The following ASIC2 variants were observed in gnomAD, a reference collection of about 807,000 sequenced individuals.
ASIC2 encodes acid sensing ion channel subunit 2.
ASIC2 carries 25 observed loss-of-function variants against 57.3 expected under a neutral mutation model. The ratio of observed to expected loss-of-function variants is 0.44; its 90% CI spans 0.32 to 0.61. The LOEUF is 0.61. ASIC2 is among the 20% of genes least tolerant of loss of function. The pLI, the probability that ASIC2 is intolerant of heterozygous loss-of-function variation, is 0.06. For synonymous variants in ASIC2, 319 were observed against 307.5 expected (o/e 1.04, Z -0.39); for missense variants, 641 against 738.1 (o/e 0.87, Z 1.52).
chr17:33,425,912 G>A (rs1023789841), intron 1 of ASIC2, among the ~76,000 whole-genome samples: 3 of 152,082 alleles, frequency 2.0e-5, no homozygotes, highest in Admixed American at 6.6e-5. Context: ...TAGGAGACCC[G>A]GTCAGGCGCA....
chr17:33,388,135 TA>T (rs1199424461), intron 1 of ASIC2, among the ~76,000 whole-genome samples: 1 of 151,176 alleles, frequency 6.6e-6, no homozygotes, highest in Non-Finnish European at 1.5e-5. Context: ...ACAAACAAAT[TA>T]AAAAAACAAG....
intron 1 of ASIC2, among the ~76,000 whole-genome samples, chr17:33,851,024 G>A (rs1363869308): frequency 6.6e-6 from 1 of 152,136 alleles, no homozygotes; most frequent in African/African-American, 2.4e-5. Flanking sequence ...AGAGTTAAGA[G>A]ACTTGGTGCT....
At chr17:33,661,142 T>G (rs1314011062) in intron 1 of ASIC2, among the ~76,000 whole-genome samples, 1 of 152,180 alleles carries the variant, frequency 6.6e-6, no homozygotes, top group African/African-American at 2.4e-5. Flanking sequence ...CAGCCGTACC[T>G]TCCTTTCCTT....
At position 34,039,184 on chromosome 17, in the gene ASIC2, T is replaced by TTC. The variant is rs572078340; in HGVS notation, c.555+116792_555+116793dup. Reference sequence around the variant, plus strand: ...TAAATCATCTATTCTTCCCTCCTTCTTCTCTAAGTCAGAATTCTTACTGTT... The same window carrying TTC: ...TAAATCATCTATTCTTCCCTCCTTCTTCTCTCTAAGTCAGAATTCTTACTGTT... On this transcript the variant is annotated intron_variant, in intron 1 of 9. Coordinates refer to the ASIC2 transcript ENST00000359872. The TTC allele has an allele frequency of 2.6e-4, 413 of 1,614,030 alleles. 2 individuals carry two copies. In the South Asian group the frequency reaches 4.2e-3, roughly 16 times the overall value.
intron 1 of ASIC2, among the ~76,000 whole-genome samples, chr17:33,671,668 G>A (rs527347349): frequency 4.5e-4 from 69 of 152,194 alleles, no homozygotes; most frequent in Non-Finnish European, 9.1e-4. Context: ...AAGGTCTTGG[G>A]AAGGCTACAA....
chr17:33,502,357 C>A (rs895097820), intron 1 of ASIC2, among the ~76,000 whole-genome samples: 4 of 152,142 alleles, frequency 2.6e-5, no homozygotes, highest in African/African-American at 2.4e-5. Context: ...CAGAGACATC[C>A]CAAGTACCTG....
intron 1 of ASIC2, among the ~76,000 whole-genome samples, chr17:33,762,784 C>G (rs1170735911): frequency 6.6e-6 from 1 of 152,156 alleles, no homozygotes; most frequent in Non-Finnish European, 1.5e-5. Flanking sequence ...CATGTTAGAG[C>G]AGCCATGGTT....
chr17:34,040,560 T>A (rs1187345715), intron 1 of ASIC2, among the ~76,000 whole-genome samples: 1 of 152,116 alleles, frequency 6.6e-6, no homozygotes, highest in Non-Finnish European at 1.5e-5. Context: ...AGGCAGAAAG[T>A]AAGGGTTAGA....
At position 33,990,581 on chromosome 17, in the gene ASIC2, G is replaced by A. The variant is rs145493331; in HGVS notation, c.555+165397C>T. Among the ~76,000 whole-genome samples, 4 of 152,256 alleles carry A rather than the reference G, an allele frequency of 2.6e-5. No individual in the cohort carries two copies. In the East Asian group the frequency reaches 5.8e-4, roughly 22 times the overall value. On this transcript the variant is annotated intron_variant, in intron 1 of 9. Coordinates refer to the ASIC2 transcript ENST00000359872. ...GGCTTCTTCTGTTTTCCCACAAGGAGCACAACTCAATTTAGTTGTACAAAC... is the reference window on the plus strand; with the variant it reads ...GGCTTCTTCTGTTTTCCCACAAGGAACACAACTCAATTTAGTTGTACAAAC...
At chr17:34,085,889 C>T (rs975799771) in intron 1 of ASIC2, among the ~76,000 whole-genome samples, 1 of 151,532 alleles carries the variant, frequency 6.6e-6, no homozygotes. Context: ...GTGACATCCC[C>T]TTTATCATTT....
intron 1 of ASIC2, among the ~76,000 whole-genome samples, chr17:34,111,922 T>C (rs572704140): frequency 6.6e-6 from 1 of 152,332 alleles, no homozygotes; most frequent in East Asian, 1.9e-4. Flanking sequence ...GCATATCATA[T>C]ATATTAAGTC....
intron 1 of ASIC2, among the ~76,000 whole-genome samples, chr17:34,067,769 A>T (rs888857648): frequency 6.6e-6 from 1 of 152,192 alleles, no homozygotes; most frequent in Admixed American, 6.5e-5. Context: ...GACATCCATG[A>T]TATGTTTTTA....
chr17:33,389,532 T>C (rs1909815187), intron 1 of ASIC2, among the ~76,000 whole-genome samples: 1 of 152,162 alleles, frequency 6.6e-6, no homozygotes, highest in Non-Finnish European at 1.5e-5. Flanking sequence ...TCAGCTAATA[T>C]GTCAGCAGAG....
intron 1 of ASIC2, among the ~76,000 whole-genome samples, chr17:33,628,132 A>G (rs1036010791): frequency 6.6e-6 from 1 of 152,180 alleles, no homozygotes; most frequent in African/African-American, 2.4e-5. Flanking sequence ...AAGGATGCCA[A>G]TGTCCTCCCA....
chr17:33,881,466 A>G (rs1369064174), intron 1 of ASIC2, among the ~76,000 whole-genome samples: 2 of 152,174 alleles, frequency 1.3e-5, no homozygotes, highest in Non-Finnish European at 2.9e-5. Context: ...ATACACCAAT[A>G]ACAGACAAAC....
intron 1 of ASIC2, chr17:34,038,425 C>T: frequency 1.2e-6 from 2 of 1,612,202 alleles, no homozygotes; most frequent in Non-Finnish European, 1.7e-6. Context: ...TGTGGTAATT[C>T]TCCTTTTTCT....
chr17:33,049,920 G>A lies in ASIC2; in HGVS notation c.988-21528C>T, dbSNP rs113106950. Among the ~76,000 whole-genome samples, 1,062 of 152,284 alleles carry A rather than the reference G, an allele frequency of 7.0e-3. 16 individuals carry two copies. The highest frequency in any genetic ancestry group is 0.025 in the African/African-American group (1,029 of 41,562). ...GGGTGGGACAGGGAAGGGAGGAAGG[G>A]GAAAGAGACTCCTCATGCCTGTGCT... On this transcript the variant is annotated intron_variant, in intron 3 of 9. Transcript: ENST00000225823.
At chr17:33,548,567 G>A (rs1268498763) in intron 1 of ASIC2, among the ~76,000 whole-genome samples, 1 of 152,172 alleles carries the variant, frequency 6.6e-6, no homozygotes, top group Non-Finnish European at 1.5e-5. Context: ...TGGACTGGGA[G>A]TCTACAGGCC....
rs543292231 is a variant in ASIC2, at chr17:33,484,265, G to A, written c.556-372198C>T. Among the ~76,000 whole-genome samples the A allele has an allele frequency of 3.9e-5, 6 of 152,284 alleles. No homozygotes were observed. In the East Asian group the frequency reaches 9.6e-4, roughly 24 times the overall value. On this transcript the variant is annotated intron_variant, in intron 1 of 9. Transcript: ENST00000359872. ...CACATTTTATTCATAAGTAAAAAGA[G>A]CAACATATTATACAGCCCAATTCAA...
Sources: gnomAD v4.1 joint callset for allele counts (sites outside exome capture counted in the v4.1 genomes callset) on GRCh38, gnomAD v4.1.1 for gene constraint, MANE v1.5 for transcripts, NCBI Gene and HGNC (gene_info 2026-07-23, HGNC 2026-07-21) for gene names.